DPP10: variants seen among roughly 807,000 people sequenced by gnomAD.
DPP10 encodes inactive dipeptidyl peptidase 10.
DPP10 carries 33 observed loss-of-function variants against 120.9 expected under a neutral mutation model. The ratio of observed to expected loss-of-function variants is 0.27; its 90% CI spans 0.21 to 0.37. The LOEUF (loss-of-function observed/expected upper bound fraction) is 0.37. DPP10 is among the 10% of genes least tolerant of loss of function. The pLI, the probability that DPP10 is intolerant of heterozygous loss-of-function variation, is 1.00. For synonymous variants in DPP10, 337 were observed against 326.1 expected, an observed-to-expected ratio of 1.03 and a Z score of -0.36; for missense variants, 816 against 942.8, an observed-to-expected ratio of 0.87 and a Z score of 1.76.
At chr2:114,466,992 G>A (rs1427485078) in intron 1 of DPP10, among the ~76,000 whole-genome samples, 1 of 146,724 alleles carries the variant, frequency 6.8e-6, no homozygotes, top group African/African-American at 2.5e-5. Flanking sequence ...CAGTGAGCAA[G>A]ATAGAGCCAC....
At chr2:115,016,943 A>C (rs1702686320) in intron 1 of DPP10, among the ~76,000 whole-genome samples, 1 of 152,028 alleles carries the variant, frequency 6.6e-6, no homozygotes, top group Admixed American at 6.6e-5. Context: ...CATTCTCAGT[A>C]AACTATCGCA....
chr2:115,440,980 T>A (rs548684044), intron 3 of DPP10: 5 of 152,282 alleles, frequency 3.3e-5, no homozygotes, highest in Admixed American at 6.5e-5. Flanking sequence ...GAGCCCTTAG[T>A]GTCTTGTAAA....
chr2:114,865,787 C>G (rs1234521056), intron 1 of DPP10, among the ~76,000 whole-genome samples: 1 of 151,968 alleles, frequency 6.6e-6, no homozygotes, highest in East Asian at 1.9e-4. Flanking sequence ...TGATGTCTGC[C>G]CAATTTAATA....
chr2:115,530,149 T>C (rs1165453568), intron 5 of DPP10, among the ~76,000 whole-genome samples: 1 of 152,116 alleles, frequency 6.6e-6, no homozygotes, highest in Non-Finnish European at 1.5e-5. Context: ...TTAGAAACTT[T>C]ATTTCACCAT....
chr2:114,900,474 A>G (rs1693468041), intron 1 of DPP10, among the ~76,000 whole-genome samples: 1 of 152,230 alleles, frequency 6.6e-6, no homozygotes, highest in South Asian at 2.1e-4. Flanking sequence ...GAAATTGAAC[A>G]CATATTTATG....
intron 5 of DPP10, among the ~76,000 whole-genome samples, chr2:115,638,553 C>A (rs2086536333): frequency 6.6e-6 from 1 of 152,124 alleles, no homozygotes; most frequent in African/African-American, 2.4e-5. Context: ...ACTAAAATAT[C>A]TATATTGATT....
At chr2:114,526,578 A>G (rs980451490) in intron 1 of DPP10, among the ~76,000 whole-genome samples, 2 of 152,144 alleles carry the variant, frequency 1.3e-5, no homozygotes, top group African/African-American at 4.8e-5. Context: ...AAAGAAAAAA[A>G]CAGTTATTTC....
chr2:115,713,988 G>A (rs1001738333), intron 7 of DPP10, among the ~76,000 whole-genome samples: 2 of 152,238 alleles, frequency 1.3e-5, no homozygotes, highest in East Asian at 1.9e-4. Context: ...TTATGATGCC[G>A]AGTCATCACT....
At chr2:115,274,261 A>G (rs1292172949) in intron 1 of DPP10, among the ~76,000 whole-genome samples, 3 of 152,204 alleles carry the variant, frequency 2.0e-5, no homozygotes, top group African/African-American at 7.2e-5. Flanking sequence ...TTTATCATTA[A>G]AAGTGAATTG....
intron 21 of DPP10, among the ~76,000 whole-genome samples, chr2:115,821,151 T>C (rs1687778920): frequency 6.6e-6 from 1 of 152,182 alleles, no homozygotes; most frequent in Admixed American, 6.5e-5. Flanking sequence ...TCCATTTTGA[T>C]GTTCAAATAA....
At chr2:115,363,461 A>G (rs2064904117) in intron 3 of DPP10, among the ~76,000 whole-genome samples, 1 of 152,198 alleles carries the variant, frequency 6.6e-6, no homozygotes, top group Non-Finnish European at 1.5e-5. Context: ...GTTGTTCTCT[A>G]AGGCCCAACC....
chr2:114,825,059 T>TTA (rs1686413321), intron 1 of DPP10, among the ~76,000 whole-genome samples: 1 of 152,240 alleles, frequency 6.6e-6, no homozygotes, highest in Non-Finnish European at 1.5e-5. Context: ...GCTATCATAA[T>TTA]ATCAGCTGTA....
At chr2:115,296,254 A>G (rs1008907678) in intron 1 of DPP10, among the ~76,000 whole-genome samples, 1 of 152,096 alleles carries the variant, frequency 6.6e-6, no homozygotes, top group African/African-American at 2.4e-5. Context: ...ATTTTCACCC[A>G]GATGCTCGGC....
chr2:115,640,404 T>C (rs771015121), intron 5 of DPP10, among the ~76,000 whole-genome samples: 14 of 151,532 alleles, frequency 9.2e-5, no homozygotes, highest in Non-Finnish European at 1.9e-4. Context: ...CTTCCATCTT[T>C]ATGTGTCTTC....
Position 114,466,932 on chromosome 2 carries a change from C to T in DPP10, c.60+24094C>T, listed in dbSNP as rs1679435098. Among the ~76,000 whole-genome samples, 10 of 151,722 alleles carry T rather than the reference C, an allele frequency of 6.6e-5. No individual in the cohort carries two copies. The South Asian group carries it at 2.1e-3, about 32-fold the overall frequency. The stretch of plus-strand genomic sequence containing the variant: ...GCATGGTGGCAGATGCCTATAGTCC[C>T]AGCTACTCCGGAAGCACAAAAATTG... On this transcript the variant is annotated intron_variant, in intron 1 of 25. Transcript: ENST00000410059.
chr2:115,266,705 A>T (rs553289801), intron 1 of DPP10, among the ~76,000 whole-genome samples: 2,048 of 152,274 alleles, frequency 0.013, 45 homozygotes, highest in African/African-American at 0.048. Flanking sequence ...GGACAATGCA[A>T]ATGGCTTCAT....
intron 19 of DPP10, among the ~76,000 whole-genome samples, chr2:115,799,962 G>T (rs996178255): frequency 1.4e-4 from 21 of 151,872 alleles, no homozygotes; most frequent in African/African-American, 5.1e-4. Flanking sequence ...TAATGGGATG[G>T]CTGGGTCAAA....
At chr2:114,533,976 C>A (rs540137798) in intron 1 of DPP10, among the ~76,000 whole-genome samples, 2 of 152,288 alleles carry the variant, frequency 1.3e-5, no homozygotes, top group African/African-American at 4.8e-5. Context: ...TTTCTCCTTT[C>A]TCACTGCTGT....
intron 1 of DPP10, among the ~76,000 whole-genome samples, chr2:114,943,560 C>G (rs1224216511): frequency 6.6e-6 from 1 of 152,192 alleles, no homozygotes; most frequent in African/African-American, 2.4e-5. Flanking sequence ...GTGTGAGCCA[C>G]CATACCCGGC....
Sources: allele counts gnomAD v4.1 joint callset (sites outside exome capture counted in the v4.1 genomes callset), GRCh38; gene constraint gnomAD v4.1.1; transcripts MANE v1.5; gene names NCBI Gene and HGNC (gene_info 2026-07-23, HGNC 2026-07-21).